Variants in CEP72 observed in about 807,000 individuals in gnomAD.
CEP72 encodes centrosomal protein of 72 kDa.
A neutral mutation model predicts 65.7 loss-of-function variants in CEP72; 78 were observed. That is an observed-to-expected ratio of 1.19 (90% CI 0.99 to 1.43). CEP72 has a LOEUF of 1.43. Among genes scored for constraint, CEP72 ranks in the 40% most tolerant of loss-of-function variants. The pLI, the probability that CEP72 is intolerant of heterozygous loss-of-function variation, is 0.00. For missense variants in CEP72, 914 were observed against 832.9 expected (o/e 1.10, Z -1.20); for synonymous variants, 358 against 351.7 (o/e 1.02, Z -0.20).
intron 1 of CEP72, among the ~76,000 whole-genome samples, chr5:618,744 C>T (rs549664123): frequency 6.6e-6 from 1 of 152,220 alleles, no homozygotes; most frequent in South Asian, 2.1e-4. Flanking sequence ...GAGCAGACAC[C>T]ACCTATGGGA....
chr5:658,903 T>C (rs534948746), downstream of CEP72, among the ~76,000 whole-genome samples: 81 of 152,186 alleles, frequency 5.3e-4, no homozygotes, highest in Admixed American at 1.8e-3. Context: ...CTCCTGACCT[T>C]GTGATCTGCC....
Position 633,930 on chromosome 5 carries a change from ACT to A in CEP72, c.678_679del (p.Arg227TrpfsTer27). 1 of 1,611,806 alleles carries A rather than the reference ACT, an allele frequency of 6.2e-7. No individual in the cohort carries two copies. Among genetic ancestry groups the A allele is most frequent in the Non-Finnish European group, 8.5e-7 (1 of 1,179,938 alleles). On this transcript the variant is annotated frameshift_variant, in exon 5 of 12. Transcript: ENST00000264935. LOFTEE classifies it high-confidence loss of function. The stretch of plus-strand genomic sequence containing the variant: ...TTCAGCCAGAAGGGGCGTGAGGCCG[ACT>A]CTCGTGGTTCCCAAGGTGCGCTGCT...
At chr5:634,940 G>A (rs1737484675) in intron 5 of CEP72, among the ~76,000 whole-genome samples, 1 of 152,196 alleles carries the variant, frequency 6.6e-6, no homozygotes, top group African/African-American at 2.4e-5. Context: ...CTGCCGCCCA[G>A]GCTGGAGTGC....
chr5:635,520 G>A lies in CEP72; in HGVS notation c.840G>A (p.Leu280=), dbSNP rs1034493448. 13 of 1,613,972 alleles carry A rather than the reference G, an allele frequency of 8.1e-6. No individual in the cohort carries two copies. Among genetic ancestry groups the A allele is most frequent in the Non-Finnish European group, 1.0e-5 (12 of 1,180,010 alleles). The change falls in exon 6 of 12, where the codon CTG becomes CTA. Residue 280 remains leucine, a synonymous_variant. Coordinates refer to ENST00000264935, the MANE Select transcript of CEP72 (RefSeq NM_018140.4). ...AGCTCTGTGGAGAGCTTCCGCCACT[G>A]TACGGAGCGGAGCCAGAGGCCTCCC... ...WSQLCGELPP[L]YGAEPEASRA...
At chr5:620,936 C>G (rs973619413) in intron 3 of CEP72, among the ~76,000 whole-genome samples, 11 of 152,216 alleles carry the variant, frequency 7.2e-5, no homozygotes, top group Non-Finnish European at 1.6e-4. Context: ...CTGGTGGTGT[C>G]TCTGCTGACC....
intron 2 of CEP72, 102 bp from the exon 3 acceptor site, chr5:619,967 A>C: frequency 2.3e-6 from 2 of 876,042 alleles, no homozygotes; most frequent in South Asian, 3.4e-5. Context: ...GTTATTGCAA[A>C]TAAGTTTATA....
rs752679887 is a variant in CEP72 at position 624,509 on chromosome 5, C to T, written c.442C>T (p.Arg148Ter). 19 of 1,614,072 alleles carry T rather than the reference C, an allele frequency of 1.2e-5. No homozygotes were observed. Among genetic ancestry groups the T allele is most frequent in the Middle Eastern group, 1.6e-4 (1 of 6,084 alleles). ...GAGAGCAAGCGAGCGGAAGGCTTCC[C>T]GACTGCATTTTGCATCAGAGGACTC... The part of the protein sequence containing the change: ...PVRASERKAS[R>*]LHFASEDSLD... Residue 148 changes from arginine to a stop codon, truncating the protein, a stop_gained, in exon 4 of 12, where the codon CGA becomes TGA. Transcript: ENST00000264935. LOFTEE classifies it high-confidence loss of function. The surrounding 1 kb of genome is among the most constrained non-coding windows in gnomAD (Gnocchi z 4.7).
At chr5:639,525 G>A (rs562759270) in intron 8 of CEP72, among the ~76,000 whole-genome samples, 2 of 152,336 alleles carry the variant, frequency 1.3e-5, no homozygotes, top group South Asian at 4.1e-4. Flanking sequence ...TGGTTCTGAT[G>A]GCTGTGATCA....
rs143786005 is a variant in CEP72 at position 633,982 on chromosome 5, C to T, written c.691+35C>T. The T allele has an allele frequency of 3.1e-3, 5,027 of 1,597,146 alleles. 153 individuals carry two copies. The Admixed American group carries it at 0.062, about 20-fold the overall frequency. ...TCATCTGCCAGGAGGCCAGTGGGTC[C>T]GCTGGCTCTGGGATATATATAGTCG... is the stretch of plus-strand genomic sequence containing the variant. On this transcript the variant is annotated intron_variant, in intron 5 of 11. Transcript: ENST00000264935.
downstream of CEP72, among the ~76,000 whole-genome samples, chr5:671,662 A>AGT (rs1443195861): frequency 6.6e-6 from 1 of 152,170 alleles, no homozygotes; most frequent in Non-Finnish European, 1.5e-5. Context: ...TGAGGCCACA[A>AGT]GCTCCTGAAC....
the CEP72 span, among the ~76,000 whole-genome samples, chr5:674,735 G>A: frequency 6.6e-6 from 1 of 151,910 alleles, no homozygotes; most frequent in African/African-American, 2.4e-5. Context: ...TTTCCAGCAG[G>A]GGATGGCAGG....
At chr5:629,243 A>G (rs1737042295) in intron 4 of CEP72, among the ~76,000 whole-genome samples, 1 of 152,290 alleles carries the variant, frequency 6.6e-6, no homozygotes, top group African/African-American at 2.4e-5. Flanking sequence ...GATTTCAGCC[A>G]TTATGAAAAC....
the CEP72 span, among the ~76,000 whole-genome samples, chr5:674,795 G>A: frequency 1.3e-5 from 2 of 151,822 alleles, no homozygotes; most frequent in Non-Finnish European, 2.9e-5. Context: ...GGGGACAGTG[G>A]GCTGGTCTGT....
intron 11 of CEP72, among the ~76,000 whole-genome samples, chr5:649,122 A>ATGTGAGGCGTGAC (rs1371949851): frequency 4.7e-5 from 2 of 42,508 alleles, no homozygotes; most frequent in African/African-American, 7.5e-5. Context: ...TGAGGTGTGA[A>ATGTGAGGCGTGAC]TGTGAGGCGT....
rs778776739 is a variant in CEP72, at chr5:620,124, C to T, written c.266C>T (p.Ser89Phe). 1.2e-6 allele frequency: 2 copies of T among 1,614,216 alleles called. No homozygotes were observed. The highest frequency in any genetic ancestry group is 1.7e-6 in the Non-Finnish European group (2 of 1,180,030). ...ESLNLYYNCI[S>F]SLAEVFRLHA... ...CTCAATCTCTACTACAACTGCATCT[C>T]CTCGTTGGCAGAAGTGTTTCGGCTC... The change falls in exon 3 of 12, where the codon TCC becomes TTC. Residue 89 changes from serine (S) to phenylalanine (F), a missense_variant. By Grantham distance (155) the Ser-to-Phe change is radical. Transcript: ENST00000264935.
At position 640,448 on chromosome 5, in the gene CEP72, A is replaced by G. The variant is rs1352719927; in HGVS notation, c.1383A>G (p.Thr461=). Residue 461 remains threonine (T), a synonymous_variant, in exon 9 of 12, where the codon ACA becomes ACG. Coordinates refer to ENST00000264935, the MANE Select transcript of CEP72 (RefSeq NM_018140.4). ...RHILSSVEEF[T]AAQDSSAMVG... is the part of the protein sequence containing the mutation. ...TCTTGTCATCTGTTGAAGAATTCACAGCAGCTCAGGACAGCTCTGCGATGG... is the reference window on the plus strand; with the variant it reads ...TCTTGTCATCTGTTGAAGAATTCACGGCAGCTCAGGACAGCTCTGCGATGG... 4 of 1,614,092 alleles carry G rather than the reference A, an allele frequency of 2.5e-6. No homozygotes were observed. The highest frequency in any genetic ancestry group is 4.5e-5 in the East Asian group (2 of 44,900).
At chr5:665,584 G>A (rs1739863100) in intron 3 of CEP72, among the ~76,000 whole-genome samples, 1 of 151,146 alleles carries the variant, frequency 6.6e-6, no homozygotes, top group Non-Finnish European at 1.5e-5. Context: ...TGTCAGAACA[G>A]CCAGGCCCCA....
chr5:622,397 G>A (rs983322062), intron 3 of CEP72, among the ~76,000 whole-genome samples: 1 of 152,372 alleles, frequency 6.6e-6, no homozygotes, highest in African/African-American at 2.4e-5. Context: ...GCTGGCAGTT[G>A]GCAGTGGCAG....
downstream of CEP72, among the ~76,000 whole-genome samples, chr5:669,363 C>T (rs887516110): frequency 1.3e-4 from 20 of 152,246 alleles, 1 homozygote; most frequent in South Asian, 8.3e-4. Context: ...TTGACGCGCT[C>T]GGCGTGGACA....
Sources: allele counts gnomAD v4.1 joint callset (sites outside exome capture counted in the v4.1 genomes callset), GRCh38; gene constraint gnomAD v4.1.1; non-coding constraint Gnocchi (gnomAD v3.1); transcripts MANE v1.5; gene names NCBI Gene and HGNC (gene_info 2026-07-23, HGNC 2026-07-21).